Variants in PSMB7 observed in about 807,000 individuals in gnomAD.
PSMB7 encodes the protein proteasome subunit beta type-7.
Under a neutral mutation model 28.1 loss-of-function variants are expected in PSMB7, and 5 were observed. The observed-to-expected ratio is 0.18, with a 90% CI of 0.09 to 0.37. The LOEUF is 0.37. Among genes scored for constraint, PSMB7 ranks in the 10% least tolerant of loss-of-function variants. The pLI is 1.00. For synonymous variants in PSMB7, 122 were observed against 123.7 expected (o/e 0.99, Z 0.09); for missense variants, 275 against 346.2 (o/e 0.79, Z 1.63).
At chr9:124,395,005 G>C (rs1021309299) in intron 5 of PSMB7, among the ~76,000 whole-genome samples, 8 of 152,154 alleles carry the variant, frequency 5.3e-5, no homozygotes, top group Non-Finnish European at 1.0e-4. Flanking sequence ...TCTTGACACA[G>C]AGAGCTACAC....
intron 4 of PSMB7, among the ~76,000 whole-genome samples, chr9:124,409,183 G>T (rs924706632): frequency 6.6e-6 from 1 of 152,136 alleles, no homozygotes; most frequent in African/African-American, 2.4e-5. Flanking sequence ...AGAGAGGAAG[G>T]GAAGAACTTA....
chr9:124,407,568 A>C (rs1034825019), intron 4 of PSMB7, among the ~76,000 whole-genome samples: 1 of 152,224 alleles, frequency 6.6e-6, no homozygotes, highest in Admixed American at 6.5e-5. Flanking sequence ...AGTTAATAAT[A>C]ATCAGCTACT....
intron 6 of PSMB7, among the ~76,000 whole-genome samples, chr9:124,374,218 A>G (rs1830587833): frequency 6.6e-6 from 1 of 152,222 alleles, no homozygotes; most frequent in Non-Finnish European, 1.5e-5. Context: ...GTTATTGCCC[A>G]GGGCTGGGAA....
chr9:124,382,504 A>C (rs527587009), intron 6 of PSMB7, among the ~76,000 whole-genome samples: 57 of 152,126 alleles, frequency 3.7e-4, no homozygotes, highest in Admixed American at 6.5e-4. Flanking sequence ...CGCTGCGCCC[A>C]GTCGAGACTC....
rs2131185716 is a variant in PSMB7 at position 124,415,387 on chromosome 9, G to A, written c.39C>T (p.Gly13=). 2 of 1,614,104 alleles carry A rather than the reference G, an allele frequency of 1.2e-6. No individual in the cohort carries two copies. The highest frequency in any genetic ancestry group is 1.1e-5 in the South Asian group (1 of 91,082). Reference sequence around the variant, plus strand: ...ACCTGCGGCAGTTATCAAAAGAGAAGCCTCCAACTGGTGGAGCATACACCG... The same window carrying A: ...ACCTGCGGCAGTTATCAAAAGAGAAACCTCCAACTGGTGGAGCATACACCG... The part of the protein sequence containing the change: ...AVSVYAPPVG[G]FSFDNCRRNA... The change falls in exon 1 of 8, where the codon GGC becomes GGT. Residue 13 remains glycine (G), a synonymous_variant. Coordinates refer to ENST00000259457, the MANE Select transcript of PSMB7 (RefSeq NM_002799.4).
intron 5 of PSMB7, chr9:124,396,865 T>C (rs1830848981): frequency 6.5e-6 from 3 of 462,954 alleles, no homozygotes; most frequent in Non-Finnish European, 8.9e-6. Flanking sequence ...GTTCAAAGAA[T>C]AAGCTAATTA....
At position 124,398,543 on chromosome 9, in the gene PSMB7, G is replaced by A. The variant is rs1323738998; in HGVS notation, c.511+6774C>T. 1.5e-5 allele frequency: 4 copies of A among 263,276 alleles called. 1 individual carries two copies. In the East Asian group the frequency reaches 5.9e-4, roughly 39 times the overall value. 16.3% of individuals were successfully genotyped at this position (263,276 alleles called of 1,614,324 possible). A position where few individuals can be genotyped will look rare whatever the true frequency, so the allele number is the denominator to read the frequency against. On this transcript the variant is annotated intron_variant, in intron 5 of 7. Coordinates refer to ENST00000259457, the MANE Select transcript of PSMB7 (RefSeq NM_002799.4). ...GTAGTAAAATTGTGGAGATATATATGCATATATATAGTTTAATTTCCTTTG... is the reference window on the plus strand; with the variant it reads ...GTAGTAAAATTGTGGAGATATATATACATATATATAGTTTAATTTCCTTTG...
intron 6 of PSMB7, among the ~76,000 whole-genome samples, chr9:124,368,119 T>C (rs1452048476): frequency 6.6e-6 from 1 of 152,194 alleles, no homozygotes; most frequent in African/African-American, 2.4e-5. Flanking sequence ...CCAAAAATTA[T>C]ATTCTAAAAA....
intron 4 of PSMB7, among the ~76,000 whole-genome samples, chr9:124,411,141 A>G (rs2131181920): frequency 6.6e-6 from 1 of 152,060 alleles, no homozygotes; most frequent in East Asian, 1.9e-4. Flanking sequence ...ATGCCCGGCT[A>G]TTTTTGTACT....
chr9:124,381,944 A>C (rs973230457), intron 6 of PSMB7, among the ~76,000 whole-genome samples: 1 of 151,862 alleles, frequency 6.6e-6, no homozygotes, highest in Non-Finnish European at 1.5e-5. Context: ...ACTAAAGAAG[A>C]AGGTACCACC....
At chr9:124,363,602 A>C (rs1021704514) in intron 6 of PSMB7, among the ~76,000 whole-genome samples, 5 of 152,156 alleles carry the variant, frequency 3.3e-5, no homozygotes, top group Admixed American at 6.5e-5. Flanking sequence ...AATTCAGCAG[A>C]GCCGAGCTGC....
chr9:124,363,101 T>C (rs1404853354), intron 6 of PSMB7, among the ~76,000 whole-genome samples: 1 of 152,240 alleles, frequency 6.6e-6, no homozygotes, highest in Non-Finnish European at 1.5e-5. Flanking sequence ...GCTTGGCATG[T>C]AGGTCAACAA....
At chr9:124,380,384 CA>C (rs983404455) in intron 6 of PSMB7, among the ~76,000 whole-genome samples, 24 of 151,854 alleles carry the variant, frequency 1.6e-4, no homozygotes, top group Non-Finnish European at 3.2e-4. Flanking sequence ...TACTAAAATT[CA>C]AAAAAATCTG....
chr9:124,384,322 T>C (rs1457100227), intron 6 of PSMB7: 2 of 380,924 alleles, frequency 5.3e-6, no homozygotes, highest in Non-Finnish European at 9.3e-6. Context: ...CATTCCACGT[T>C]ACCACCGCAT....
intron 6 of PSMB7, among the ~76,000 whole-genome samples, chr9:124,383,186 C>CA (rs1424573228): frequency 5.3e-5 from 8 of 151,924 alleles, no homozygotes; most frequent in Admixed American, 2.6e-4. Flanking sequence ...TTAAGAAGGC[C>CA]AAATAGAAAA....
At chr9:124,406,605 T>C (rs1248236254) in intron 4 of PSMB7, among the ~76,000 whole-genome samples, 1 of 150,656 alleles carries the variant, frequency 6.6e-6, no homozygotes, top group African/African-American at 2.4e-5. Context: ...TATAATTACA[T>C]ATATGAACTC....
chr9:124,394,410 T>C (rs1277237344), intron 5 of PSMB7, among the ~76,000 whole-genome samples: 3 of 152,160 alleles, frequency 2.0e-5, no homozygotes, highest in African/African-American at 7.2e-5. Flanking sequence ...CAAGAGCAGA[T>C]AAAGATGAGC....
chr9:124,408,918 T>A (rs981202653), intron 4 of PSMB7, among the ~76,000 whole-genome samples: 11 of 152,214 alleles, frequency 7.2e-5, no homozygotes, highest in Admixed American at 1.3e-4. Flanking sequence ...CATTTTGAAA[T>A]GCCCTAGTAT....
At chr9:124,386,960 T>C (rs1193330056) in intron 5 of PSMB7, among the ~76,000 whole-genome samples, 2 of 152,208 alleles carry the variant, frequency 1.3e-5, no homozygotes, top group Non-Finnish European at 1.5e-5. Flanking sequence ...TAAAACCTTT[T>C]TCCTGGCCGG....
Sources: gnomAD v4.1 joint callset for allele counts (sites outside exome capture counted in the v4.1 genomes callset) on GRCh38, gnomAD v4.1.1 for gene constraint, MANE v1.5 for transcripts, NCBI Gene and HGNC (gene_info 2026-07-23, HGNC 2026-07-21) for gene names.